The following DLC1 variants were observed in gnomAD, a reference collection of about 807,000 sequenced individuals.
DLC1 encodes DLC1 Rho GTPase activating protein, also known as rho GTPase-activating protein 7.
A neutral mutation model predicts 140.3 loss-of-function variants in DLC1; 54 were observed. The ratio of observed to expected loss-of-function variants is 0.38; its 90% CI spans 0.31 to 0.48. The LOEUF is 0.48. DLC1 is among the 20% of genes least tolerant of loss of function. The pLI is 0.96. For synonymous variants in DLC1, 986 were observed against 728.1 expected (o/e 1.35, Z -5.70); for missense variants, 2,536 against 1,907.0 (o/e 1.33, Z -6.14).
chr8:13,261,917 A>T (rs1045343125), intron 5 of DLC1, among the ~76,000 whole-genome samples: 2 of 152,226 alleles, frequency 1.3e-5, no homozygotes, highest in South Asian at 2.1e-4. Flanking sequence ...TAAGCATTAA[A>T]TAATAATTCA....
chr8:13,366,307 G>A (rs919689718), intron 4 of DLC1, among the ~76,000 whole-genome samples: 1 of 152,134 alleles, frequency 6.6e-6, no homozygotes, highest in Non-Finnish European at 1.5e-5. Context: ...GAAAATGTCT[G>A]TTGAGCATCC....
At position 13,415,868 on chromosome 8, in the gene DLC1, G is replaced by C. The variant is rs144097919; in HGVS notation, c.1024-14249C>G. 1.0e-3 allele frequency among the ~76,000 whole-genome samples: 153 copies of C among 152,212 alleles called. 1 individual carries two copies. Among genetic ancestry groups the C allele is most frequent in the African/African-American group, 3.3e-3 (136 of 41,534 alleles). ...CAGGTATAAAGAATATTTCTGAAAAGTAGCATTATGTAATTTCACCCCAAG... is the reference window on the plus strand; with the variant it reads ...CAGGTATAAAGAATATTTCTGAAAACTAGCATTATGTAATTTCACCCCAAG... On this transcript the variant is annotated intron_variant, in intron 2 of 17. Coordinates refer to ENST00000276297, the MANE Select transcript of DLC1 (RefSeq NM_182643.3).
intron 1 of DLC1, among the ~76,000 whole-genome samples, chr8:13,578,141 A>G (rs377592066): frequency 1.3e-5 from 2 of 152,022 alleles, no homozygotes; most frequent in African/African-American, 4.8e-5. Flanking sequence ...TTCACTGGTC[A>G]CTTTGACCTT....
intron 5 of DLC1, among the ~76,000 whole-genome samples, chr8:13,118,031 A>AAT (rs1563633688): frequency 2.5e-5 from 3 of 121,820 alleles, no homozygotes; most frequent in African/African-American, 1.0e-4. Context: ...TTTTTTTGAG[A>AAT]CAGAGTCTTG....
chr8:13,550,560 G>T (rs371308504), intron 1 of DLC1, among the ~76,000 whole-genome samples: 1 of 152,110 alleles, frequency 6.6e-6, no homozygotes, highest in African/African-American at 2.4e-5. Flanking sequence ...AAATATATAC[G>T]GAGGCATATG....
intron 2 of DLC1, among the ~76,000 whole-genome samples, chr8:13,430,388 T>C (rs1193318953): frequency 6.6e-6 from 1 of 152,218 alleles, no homozygotes; most frequent in Non-Finnish European, 1.5e-5. Flanking sequence ...GTGATCATTA[T>C]TTCCAATGCT....
intron 10 of DLC1, 152 bp from the exon 11 acceptor site, chr8:13,095,397 G>A: frequency 1.1e-6 from 1 of 937,784 alleles, no homozygotes; most frequent in Non-Finnish European, 1.6e-6. Context: ...GACAAATTCA[G>A]TTCCCCAGTG....
chr8:13,118,630 A>G (rs1242896499), intron 5 of DLC1, among the ~76,000 whole-genome samples: 2 of 152,220 alleles, frequency 1.3e-5, no homozygotes, highest in Non-Finnish European at 2.9e-5. Context: ...CCTCACGCCT[A>G]CACTTTCCAA....
intron 5 of DLC1, among the ~76,000 whole-genome samples, chr8:13,134,471 A>G (rs1055767085): frequency 1.3e-5 from 2 of 152,184 alleles, no homozygotes; most frequent in Admixed American, 1.3e-4. Flanking sequence ...TATATAGAGT[A>G]TGTCTGATGG....
At chr8:13,372,510 C>G (rs1207015193) in intron 4 of DLC1, among the ~76,000 whole-genome samples, 2 of 152,178 alleles carry the variant, frequency 1.3e-5, no homozygotes, top group Non-Finnish European at 2.9e-5. Flanking sequence ...GAGACGCCAA[C>G]ACAGTGCAGA....
intron 4 of DLC1, among the ~76,000 whole-genome samples, chr8:13,315,213 G>A (rs773015083): frequency 1.3e-5 from 2 of 152,140 alleles, no homozygotes; most frequent in Admixed American, 6.5e-5. Context: ...CCAGGCGTTC[G>A]AGACCAGCAT....
intron 5 of DLC1, among the ~76,000 whole-genome samples, chr8:13,150,463 A>G (rs1392565504): frequency 2.6e-5 from 4 of 152,086 alleles, no homozygotes; most frequent in Admixed American, 2.0e-4. Context: ...ACAAGGAGCT[A>G]TGGATGAGCC....
Position 13,499,569 on chromosome 8 carries a change from C to G in DLC1, c.503G>C (p.Gly168Ala). ...QVSSNSWGIA[G>A]ETELALVKES... ...TTTTACCAGTGCTAATTCAGTTTCA[C>G]CAGCTATTCCCCAGGAGTTAGAAGA... is the stretch of plus-strand genomic sequence containing the variant. The change falls in exon 2 of 18, where the codon GGT (glycine) becomes GCT (alanine). Residue 168 changes from glycine to alanine, a missense_variant. Transcript: ENST00000276297. 1 of 1,614,134 alleles carries G rather than the reference C, an allele frequency of 6.2e-7. No individual in the cohort carries two copies. The highest frequency in any genetic ancestry group is 1.3e-5 in the African/African-American group (1 of 75,040).
chr8:13,384,807 C>G (rs1204422514), intron 4 of DLC1, among the ~76,000 whole-genome samples: 1 of 151,978 alleles, frequency 6.6e-6, no homozygotes, highest in Non-Finnish European at 1.5e-5. Context: ...TCAGAACTCA[C>G]TGATGAAGAA....
intron 1 of DLC1, among the ~76,000 whole-genome samples, chr8:13,548,345 T>C (rs1803723618): frequency 1.4e-5 from 2 of 145,736 alleles, no homozygotes. Flanking sequence ...ATCTTTTGGT[T>C]TATATCTTGT....
chr8:13,116,725 A>G (rs1820588612), intron 5 of DLC1, among the ~76,000 whole-genome samples: 1 of 152,236 alleles, frequency 6.6e-6, no homozygotes, highest in Admixed American at 6.5e-5. Flanking sequence ...AAAGGTAATT[A>G]AGCAAATCCA....
At chr8:13,125,981 T>C (rs1821525328) in intron 5 of DLC1, among the ~76,000 whole-genome samples, 3 of 152,048 alleles carry the variant, frequency 2.0e-5, no homozygotes, top group African/African-American at 7.2e-5. Context: ...TTTAAACCAA[T>C]TGAAATCCTC....
Position 13,399,567 on chromosome 8 carries a change from T to C in DLC1, c.1173+1903A>G, listed in dbSNP as rs549759065. 7.9e-5 allele frequency among the ~76,000 whole-genome samples: 12 copies of C among 152,284 alleles called. 1 individual carries two copies. The South Asian group carries it at 1.9e-3, about 24-fold the overall frequency. Reference sequence around the variant, plus strand: ...CCCTATCCCCATTCATCCTATGAGATTGGCTATCTCAGCGAGCCCTAAGAG... The same window carrying C: ...CCCTATCCCCATTCATCCTATGAGACTGGCTATCTCAGCGAGCCCTAAGAG... On this transcript the variant is annotated intron_variant, in intron 3 of 17. Transcript: ENST00000276297.
At chr8:13,540,267 T>C (rs1803439002) in intron 1 of DLC1, among the ~76,000 whole-genome samples, 1 of 152,046 alleles carries the variant, frequency 6.6e-6, no homozygotes, top group Non-Finnish European at 1.5e-5. Context: ...TTATGATCAT[T>C]TCCATGGTCT....
Sources: gnomAD v4.1 joint callset for allele counts (sites outside exome capture counted in the v4.1 genomes callset) on GRCh38, gnomAD v4.1.1 for gene constraint, MANE v1.5 for transcripts, NCBI Gene and HGNC (gene_info 2026-07-23, HGNC 2026-07-21) for gene names.